The following PLD5 variants were observed in gnomAD, a reference collection of about 807,000 sequenced individuals.
The protein encoded by PLD5 is inactive phospholipase D5.
In PLD5, 36 loss-of-function variants were observed where a neutral mutation model predicts 61.1. That is an observed-to-expected ratio of 0.59 (90% CI 0.45 to 0.78). PLD5 has a LOEUF of 0.78. PLD5 is among the 30% of genes least tolerant of loss of function. The probability of loss-of-function intolerance (pLI) is 0.00; values close to 1 mark genes in which losing one functional copy is unlikely to be tolerated. For missense variants in PLD5, 515 were observed against 644.4 expected, an observed-to-expected ratio of 0.80 and a Z score of 2.17; for synonymous variants, 243 against 242.8, an observed-to-expected ratio of 1.00 and a Z score of -0.01.
chr1:242,276,410 G>GTATACATGTGTATA (rs1674413325), intron 3 of PLD5, among the ~76,000 whole-genome samples: 1 of 25,638 alleles, frequency 3.9e-5, no homozygotes, highest in Non-Finnish European at 1.2e-4. Context: ...TATACATATT[G>GTATACATGTGTATA]TATACATTTG....
chr1:242,301,767 T>TTATTATTATTATTA (rs1332313441), intron 2 of PLD5, among the ~76,000 whole-genome samples: 1 of 128,130 alleles, frequency 7.8e-6, no homozygotes, highest in Non-Finnish European at 1.8e-5. Context: ...TTTTAAAACA[T>TTATTATTATTATTA]TATTATTATT....
intron 1 of PLD5, among the ~76,000 whole-genome samples, chr1:242,433,264 T>C (rs971711293): frequency 1.4e-4 from 21 of 152,180 alleles, no homozygotes; most frequent in Non-Finnish European, 3.1e-4. Flanking sequence ...AGATGTTCCA[T>C]GCACATTGCA....
intron 2 of PLD5, among the ~76,000 whole-genome samples, chr1:242,305,970 T>C (rs904552769): frequency 6.6e-6 from 1 of 152,150 alleles, no homozygotes; most frequent in African/African-American, 2.4e-5. Flanking sequence ...GGGAAGTCCA[T>C]GGGTCTTGCA....
intron 5 of PLD5, among the ~76,000 whole-genome samples, chr1:242,209,672 T>TCTCC (rs1445648740): frequency 6.6e-6 from 1 of 151,792 alleles, no homozygotes; most frequent in Non-Finnish European, 1.5e-5. Flanking sequence ...CCCCTGTCTC[T>TCTCC]CTCTCCTTGG....
intron 2 of PLD5, among the ~76,000 whole-genome samples, chr1:242,313,762 A>C (rs1476631119): frequency 2.0e-5 from 3 of 151,612 alleles, no homozygotes; most frequent in Non-Finnish European, 2.9e-5. Flanking sequence ...AACAAATACA[A>C]TGCCTTTTTT....
At chr1:242,482,356 T>C (rs1362890453) in intron 1 of PLD5, among the ~76,000 whole-genome samples, 1 of 152,046 alleles carries the variant, frequency 6.6e-6, no homozygotes, top group African/African-American at 2.4e-5. Context: ...TGCAGAGAAG[T>C]CCTTAAAGGA....
intron 1 of PLD5, among the ~76,000 whole-genome samples, chr1:242,478,973 C>A (rs1023630331): frequency 1.3e-5 from 2 of 152,028 alleles, no homozygotes; most frequent in Non-Finnish European, 2.9e-5. Context: ...AGTTTTTTGA[C>A]GATATGAAGA....
At chr1:242,194,618 G>GTATCTATCTATC (rs547535096) in intron 5 of PLD5, among the ~76,000 whole-genome samples, 1,313 of 102,960 alleles carry the variant, frequency 0.013, 10 homozygotes, top group Non-Finnish European at 0.019. Context: ...ATCTATCTAT[G>GTATCTATCTATC]TATCTATCTA....
At chr1:242,373,596 T>C (rs1461099492) in intron 1 of PLD5, among the ~76,000 whole-genome samples, 2 of 152,144 alleles carry the variant, frequency 1.3e-5, no homozygotes, top group African/African-American at 2.4e-5. Flanking sequence ...GTGGCACATA[T>C]ACACCATGGA....
Position 242,124,645 on chromosome 1 carries a change from G to T in PLD5, c.756C>A (p.Ile252=). The T allele has an allele frequency of 6.2e-7, 1 of 1,613,586 alleles. No homozygotes were observed. The highest frequency in any genetic ancestry group is 1.1e-5 in the South Asian group (1 of 91,066). The part of the protein sequence containing the change: ...SLGQMKELGV[I]FYNCSCLVLD... Reference sequence around the variant, plus strand: ...GGACCAGGCAGCTGCAGTTGTAGAAGATGACACCGAGTTCTTTCATCTGTG... The same window carrying T: ...GGACCAGGCAGCTGCAGTTGTAGAATATGACACCGAGTTCTTTCATCTGTG... Residue 252 remains isoleucine (I), a synonymous_variant, in exon 6 of 10, where the codon ATC becomes ATA. Coordinates refer to ENST00000536534, the MANE Select transcript of PLD5 (RefSeq NM_001372062.1).
intron 3 of PLD5, among the ~76,000 whole-genome samples, chr1:242,287,021 T>G (rs1238668598): frequency 6.6e-6 from 1 of 152,156 alleles, no homozygotes; most frequent in Non-Finnish European, 1.5e-5. Context: ...GCTCCTCCCT[T>G]CCTGGACTTG....
At chr1:242,505,997 T>C (rs1029566076) in intron 1 of PLD5, among the ~76,000 whole-genome samples, 1 of 152,166 alleles carries the variant, frequency 6.6e-6, no homozygotes, top group Admixed American at 6.5e-5. Flanking sequence ...GTATAAAAGC[T>C]CCCATTTTTG....
At chr1:242,445,354 C>G (rs1265194760) in intron 1 of PLD5, among the ~76,000 whole-genome samples, 1 of 152,028 alleles carries the variant, frequency 6.6e-6, no homozygotes, top group Non-Finnish European at 1.5e-5. Flanking sequence ...TGTTTGTTTG[C>G]TTTTTGAGAC....
intron 5 of PLD5, among the ~76,000 whole-genome samples, chr1:242,144,505 G>C (rs1381393655): frequency 1.3e-5 from 2 of 152,220 alleles, no homozygotes; most frequent in Non-Finnish European, 2.9e-5. Context: ...AAACAGGTTA[G>C]GTGCGTGGCT....
intron 1 of PLD5, among the ~76,000 whole-genome samples, chr1:242,370,333 T>C (rs904957739): frequency 6.6e-6 from 1 of 152,218 alleles, no homozygotes; most frequent in African/African-American, 2.4e-5. Context: ...CTTGTTATGA[T>C]GCACTGCGCT....
intron 1 of PLD5, chr1:242,449,317 A>T (rs74803821): frequency 3.3e-6 from 5 of 1,536,032 alleles, no homozygotes; most frequent in Non-Finnish European, 4.4e-6. Context: ...TTCCCAGGTA[A>T]CACACTAGGT....
chr1:242,470,230 T>TACTCG (rs1448743017), intron 1 of PLD5, among the ~76,000 whole-genome samples: 2 of 151,858 alleles, frequency 1.3e-5, no homozygotes, highest in Non-Finnish European at 2.9e-5. Context: ...TACTCCCAGC[T>TACTCG]ACTCGGGAGG....
chr1:242,366,346 C>T (rs746477992), intron 1 of PLD5, among the ~76,000 whole-genome samples: 5 of 152,160 alleles, frequency 3.3e-5, no homozygotes, highest in Admixed American at 6.5e-5. Context: ...CTCAGCTTGC[C>T]TTTAAGTGAG....
intron 3 of PLD5, among the ~76,000 whole-genome samples, chr1:242,282,596 T>A (rs1674774770): frequency 6.6e-6 from 1 of 152,186 alleles, no homozygotes; most frequent in Admixed American, 6.5e-5. Flanking sequence ...CATAAATACA[T>A]CTCCTTAAGA....
Sources: gnomAD v4.1 joint callset for allele counts (sites outside exome capture counted in the v4.1 genomes callset) on GRCh38, gnomAD v4.1.1 for gene constraint, MANE v1.5 for transcripts, NCBI Gene and HGNC (gene_info 2026-07-23, HGNC 2026-07-21) for gene names.